GTF2F2: variants seen among roughly 807,000 people sequenced by gnomAD.
GTF2F2 encodes ATP-dependent helicase GTF2F2.
A neutral mutation model predicts 42.2 loss-of-function variants in GTF2F2; 23 were observed. The ratio of observed to expected loss-of-function variants is 0.55; its 90% confidence interval spans 0.39 to 0.77. GTF2F2 has a LOEUF of 0.77. Ranked by LOEUF, GTF2F2 falls within the 30% of genes least tolerant of loss-of-function variation. The pLI is 0.00. For missense variants in GTF2F2, 261 were observed against 287.2 expected (o/e 0.91, Z 0.66); for synonymous variants, 105 against 100.8 (o/e 1.04, Z -0.25).
chr13:45,212,466 TC>T (rs1201126667), intron 5 of GTF2F2, among the ~76,000 whole-genome samples: 24 of 105,992 alleles, frequency 2.3e-4, no homozygotes, highest in Non-Finnish European at 3.6e-4. Context: ...TTTCTTTCTT[TC>T]TTTCTTTCTT....
At chr13:45,281,608 A>AAAAT (rs1566161416) in intron 7 of GTF2F2, among the ~76,000 whole-genome samples, 4 of 152,234 alleles carry the variant, frequency 2.6e-5, no homozygotes, top group African/African-American at 9.6e-5. Flanking sequence ...TCCTGGGCCT[A>AAAAT]GCCCAAGAGA....
At chr13:45,199,137 T>G (rs995048801) in intron 4 of GTF2F2, among the ~76,000 whole-genome samples, 2 of 152,214 alleles carry the variant, frequency 1.3e-5, no homozygotes, top group Non-Finnish European at 2.9e-5. Context: ...GGACGTAACC[T>G]CTGGCCACAA....
chr13:45,186,650 A>G (rs140827282), intron 4 of GTF2F2, among the ~76,000 whole-genome samples: 13 of 152,310 alleles, frequency 8.5e-5, no homozygotes, highest in African/African-American at 2.4e-4. Flanking sequence ...ATCAAATGCT[A>G]TGATACCTAA....
chr13:45,260,170 C>T (rs1593523268), intron 6 of GTF2F2, among the ~76,000 whole-genome samples: 2 of 152,172 alleles, frequency 1.3e-5, no homozygotes, highest in South Asian at 2.1e-4. Flanking sequence ...GTGTGGCAGC[C>T]GACTGTGTTA....
chr13:45,138,544 T>C (rs552720234), intron 2 of GTF2F2, among the ~76,000 whole-genome samples: 1 of 152,198 alleles, frequency 6.6e-6, no homozygotes, highest in South Asian at 2.1e-4. Context: ...TGATGTGGAG[T>C]CAGCCAACTC....
At chr13:45,188,053 G>A (rs934199327) in intron 4 of GTF2F2, among the ~76,000 whole-genome samples, 18 of 152,066 alleles carry the variant, frequency 1.2e-4, no homozygotes, top group South Asian at 4.1e-4. Flanking sequence ...TTACAGGCAC[G>A]CACCACCATG....
chr13:45,212,507 C>CTTTCT lies in GTF2F2; in HGVS notation c.386+5005_386+5006insCTTTT, dbSNP rs1566137207. 9.3e-5 allele frequency among the ~76,000 whole-genome samples: 5 copies of CTTTCT among 53,616 alleles called. 1 individual carries two copies. The highest frequency in any genetic ancestry group is 4.1e-4 in the Admixed American group (2 of 4,914). 35.2% of individuals were successfully genotyped at this position (53,616 alleles called of 152,430 possible). ...TCTTTCTTTCTTTCTTTCTTTCTTT[C>CTTTCT]TTTTCTTTCTTTCTCTTTCTCTCTT... On this transcript the variant is annotated intron_variant, in intron 5 of 7. Coordinates refer to ENST00000340473, the MANE Select transcript of GTF2F2 (RefSeq NM_004128.3).
At chr13:45,220,890 T>C (rs1002528887) in intron 5 of GTF2F2, 1 of 152,290 alleles carries the variant, frequency 6.6e-6, no homozygotes, top group African/African-American at 2.4e-5. Flanking sequence ...TCTGAACTTT[T>C]TGCCTCCGAC....
intron 4 of GTF2F2, among the ~76,000 whole-genome samples, chr13:45,156,601 T>C (rs1870767695): frequency 6.6e-6 from 1 of 152,192 alleles, no homozygotes; most frequent in Admixed American, 6.5e-5. Context: ...TTTTTTTTAA[T>C]CTTTTTTGCC....
chr13:45,270,220 A>G (rs542017517), intron 7 of GTF2F2, among the ~76,000 whole-genome samples: 2 of 152,294 alleles, frequency 1.3e-5, no homozygotes, highest in South Asian at 2.1e-4. Flanking sequence ...TGTGACTTAC[A>G]TAAGCAACTA....
At chr13:45,148,936 A>G (rs937424618) in intron 2 of GTF2F2, among the ~76,000 whole-genome samples, 5 of 152,152 alleles carry the variant, frequency 3.3e-5, no homozygotes, top group Non-Finnish European at 5.9e-5. Flanking sequence ...AAAAATATTT[A>G]TATGTGGGCA....
chr13:45,251,163 A>G (rs945562409), intron 5 of GTF2F2, among the ~76,000 whole-genome samples: 3 of 152,186 alleles, frequency 2.0e-5, no homozygotes, highest in African/African-American at 7.2e-5. Context: ...TAAATATCTT[A>G]TATCTTCTCA....
chr13:45,244,360 G>A (rs934857859), intron 5 of GTF2F2, among the ~76,000 whole-genome samples: 1 of 152,078 alleles, frequency 6.6e-6, no homozygotes, highest in African/African-American at 2.4e-5. Flanking sequence ...TGCTTACTAT[G>A]AGGAAAAAAT....
chr13:45,160,207 A>C (rs1344281367), intron 4 of GTF2F2, among the ~76,000 whole-genome samples: 1 of 152,246 alleles, frequency 6.6e-6, no homozygotes, highest in East Asian at 1.9e-4. Flanking sequence ...AATGTCTGAC[A>C]GCTTAAGACA....
intron 1 of GTF2F2, among the ~76,000 whole-genome samples, chr13:45,124,422 C>T (rs1868861494): frequency 6.6e-6 from 1 of 151,004 alleles, no homozygotes; most frequent in Non-Finnish European, 1.5e-5. Context: ...TGCGGCCAGG[C>T]ATGGTGGCTC....
chr13:45,132,815 G>A (rs1272888226), intron 1 of GTF2F2, among the ~76,000 whole-genome samples: 7 of 151,856 alleles, frequency 4.6e-5, no homozygotes, highest in Non-Finnish European at 7.4e-5. Context: ...TCAGCACAGA[G>A]GGAGGAGGAA....
At chr13:45,244,914 C>T (rs1387384891) in intron 5 of GTF2F2, among the ~76,000 whole-genome samples, 2 of 152,134 alleles carry the variant, frequency 1.3e-5, no homozygotes, top group African/African-American at 4.8e-5. Flanking sequence ...TCAAGTGATT[C>T]GGCCTCCCAA....
At chr13:45,237,803 A>G (rs1045447247) in intron 5 of GTF2F2, among the ~76,000 whole-genome samples, 82 of 152,226 alleles carry the variant, frequency 5.4e-4, no homozygotes, top group Admixed American at 4.1e-3. Flanking sequence ...TGGATCAAAA[A>G]CAAAAGATAC....
intron 3 of GTF2F2, among the ~76,000 whole-genome samples, chr13:45,150,072 A>T (rs975468735): frequency 2.0e-5 from 3 of 152,224 alleles, no homozygotes. Flanking sequence ...GTATTACTTC[A>T]GTGTGACAAA....
Sources: gnomAD v4.1 joint callset for allele counts (sites outside exome capture counted in the v4.1 genomes callset) on GRCh38, gnomAD v4.1.1 for gene constraint, MANE v1.5 for transcripts, NCBI Gene and HGNC (gene_info 2026-07-23, HGNC 2026-07-21) for gene names.